The following ZNF487 variants were observed in gnomAD, a reference collection of about 807,000 sequenced individuals.
ZNF487 encodes KRAB domain only 1.
ZNF487 carries 4 observed loss-of-function variants against 3.0 expected under a neutral mutation model. The ratio of observed to expected loss-of-function variants is 1.35; its 90% CI spans 0.66 to 3.08. ZNF487 has a LOEUF of 3.08. ZNF487 is among the 30% of genes most tolerant of loss of function. The pLI is 0.01. For missense variants in ZNF487, 146 were observed against 98.7 expected (o/e 1.48, Z -2.03); for synonymous variants, 55 against 34.6 (o/e 1.59, Z -2.06).
At chr10:43,444,755 A>G (rs564053592) in intron 1 of ZNF487, among the ~76,000 whole-genome samples, 1 of 152,140 alleles carries the variant, frequency 6.6e-6, no homozygotes, top group South Asian at 2.1e-4. Flanking sequence ...TTTGGTAGAG[A>G]TGGGGTTTCA....
the ZNF487 span, among the ~76,000 whole-genome samples, chr10:43,509,535 C>A: frequency 3.0e-3 from 458 of 150,682 alleles, 3 homozygotes; most frequent in African/African-American, 8.9e-3. Context: ...CCACAACACG[C>A]CATCTGCAAG....
At chr10:43,493,687 C>CAAAAAAAAAAAAAA in the ZNF487 span, among the ~76,000 whole-genome samples, 2 of 13,520 alleles carry the variant, frequency 1.5e-4, 1 homozygote, top group Non-Finnish European at 2.4e-4. Flanking sequence ...GACCCTTCCT[C>CAAAAAAAAAAAAAA]AAAAAAAGAA....
intron 1 of ZNF487, among the ~76,000 whole-genome samples, chr10:43,451,665 A>C (rs777307579): frequency 2.0e-5 from 3 of 150,924 alleles, no homozygotes; most frequent in Admixed American, 6.6e-5. Context: ...TCCCGGGTTC[A>C]AGCAGTTCTC....
At chr10:43,470,748 G>A (rs1225950329) in intron 1 of ZNF487, among the ~76,000 whole-genome samples, 7 of 152,126 alleles carry the variant, frequency 4.6e-5, no homozygotes, top group Non-Finnish European at 1.0e-4. Flanking sequence ...GGAAGTCCTG[G>A]GCTCAAGCAA....
At chr10:43,467,034 ATTG>A (rs1359795351) in intron 1 of ZNF487, among the ~76,000 whole-genome samples, 3 of 151,518 alleles carry the variant, frequency 2.0e-5, no homozygotes, top group African/African-American at 7.3e-5. Flanking sequence ...CACCCAGCTA[ATTG>A]TTTTGTATTT....
At chr10:43,499,801 T>A in the ZNF487 span, among the ~76,000 whole-genome samples, 1 of 151,992 alleles carries the variant, frequency 6.6e-6, no homozygotes, top group South Asian at 2.1e-4. Flanking sequence ...TGATTAAAAA[T>A]ACTCTGAGTA....
chr10:43,480,651 G>T (rs1263210509), intron 3 of ZNF487, among the ~76,000 whole-genome samples: 2 of 151,514 alleles, frequency 1.3e-5, no homozygotes, highest in Non-Finnish European at 2.9e-5. Flanking sequence ...CTTGACTTCA[G>T]GTGATCCACC....
intron 1 of ZNF487, among the ~76,000 whole-genome samples, chr10:43,441,034 A>ATTTTTTTTTTTTTTTTTTTTTTTT (rs763451709): frequency 4.5e-5 from 2 of 44,548 alleles, no homozygotes; most frequent in Admixed American, 4.5e-4. Flanking sequence ...ACCTGGTTAA[A>ATTTTTTTTTTTTTTTTTTTTTTTT]TTTTTTTTTT....
At chr10:43,461,046 G>C (rs779632253) in intron 1 of ZNF487, among the ~76,000 whole-genome samples, 1 of 148,928 alleles carries the variant, frequency 6.7e-6, no homozygotes, top group Admixed American at 6.8e-5. Context: ...CGCTCTCATC[G>C]CCCAGGCTGG....
chr10:43,498,100 T>TA, the ZNF487 span, among the ~76,000 whole-genome samples: 45 of 9,346 alleles, frequency 4.8e-3, no homozygotes, highest in Non-Finnish European at 5.9e-3. Flanking sequence ...TATATATATA[T>TA]TTTTTTTTTT....
At position 43,480,315 on chromosome 10, in the gene ZNF487, C is replaced by G. The variant is rs571355092; in HGVS notation, c.131-1114C>G. Among the ~76,000 whole-genome samples the G allele has an allele frequency of 5.3e-5, 8 of 151,346 alleles. 1 individual carries two copies. In the South Asian group the frequency reaches 1.7e-3, roughly 32 times the overall value. Reference sequence around the variant, plus strand: ...TAGAGACAGGGTTTCACCATGTTGGCCAGGCTGGTCTCGAGCTCCTGACCT... The same window carrying G: ...TAGAGACAGGGTTTCACCATGTTGGGCAGGCTGGTCTCGAGCTCCTGACCT... On this transcript the variant is annotated intron_variant, in intron 3 of 3. Coordinates refer to ENST00000437590, the MANE Select transcript of ZNF487 (RefSeq NM_001355444.3).
At chr10:43,493,112 C>T in the ZNF487 span, among the ~76,000 whole-genome samples, 1 of 152,128 alleles carries the variant, frequency 6.6e-6, no homozygotes, top group South Asian at 2.1e-4. Context: ...TGCCTGTAAT[C>T]CCAGCTACTC....
At chr10:43,456,656 C>T (rs551744768) in intron 1 of ZNF487, among the ~76,000 whole-genome samples, 1 of 152,012 alleles carries the variant, frequency 6.6e-6, no homozygotes, top group African/African-American at 2.4e-5. Flanking sequence ...TCTCGGCTCA[C>T]TGTAGCCTCT....
chr10:43,479,308 TATC>T (rs540539063), intron 3 of ZNF487, among the ~76,000 whole-genome samples: 153 of 152,184 alleles, frequency 1.0e-3, no homozygotes, highest in Non-Finnish European at 1.7e-3. Context: ...TTTTTGCTGT[TATC>T]ATTTGAGTGA....
At chr10:43,504,559 T>C in the ZNF487 span, among the ~76,000 whole-genome samples, 1 of 152,068 alleles carries the variant, frequency 6.6e-6, no homozygotes, top group Non-Finnish European at 1.5e-5. Flanking sequence ...CCTCCCAAAG[T>C]GCTGGGATTA....
chr10:43,479,956 CTCTTTCTTTCTTTCTTT>C (rs1450995787), intron 3 of ZNF487, among the ~76,000 whole-genome samples: 5 of 55,998 alleles, frequency 8.9e-5, no homozygotes, highest in Non-Finnish European at 1.9e-4. Flanking sequence ...GCACCTGACT[CTCTTTCTTTCTTTCTTT>C]TCTTTCTTTC....
chr10:43,448,028 C>T (rs2261665), intron 1 of ZNF487, among the ~76,000 whole-genome samples: 65,765 of 134,698 alleles, frequency 0.49, 17,420 homozygotes, highest in East Asian at 0.73. Flanking sequence ...CTCACTCTGT[C>T]GCCCAGGCTG....
rs147487158 is a variant in ZNF487, at chr10:43,440,052, A to AT, written c.-94+2791dup. ...GGTAAGTTTTGTTTTATATATATAT[A>AT]TATTTTTTTTTTTGAGGCGAAGTTT... On this transcript the variant is annotated intron_variant, in intron 1 of 3. Transcript: ENST00000437590. 1.8e-4 allele frequency among the ~76,000 whole-genome samples: 26 copies of AT among 146,118 alleles called. No homozygotes were observed. In the East Asian group the frequency reaches 2.0e-3, roughly 11 times the overall value.
At chr10:43,495,408 T>G in the ZNF487 span, among the ~76,000 whole-genome samples, 1 of 152,028 alleles carries the variant, frequency 6.6e-6, no homozygotes. Flanking sequence ...CACACCCAGC[T>G]AATTTTTGTA....
Sources: allele counts gnomAD v4.1 joint callset (sites outside exome capture counted in the v4.1 genomes callset), GRCh38; gene constraint gnomAD v4.1.1; transcripts MANE v1.5; gene names NCBI Gene and HGNC (gene_info 2026-07-23, HGNC 2026-07-21).